The following DNAH6 variants were observed in gnomAD, a reference collection of about 807,000 sequenced individuals.
The protein encoded by DNAH6 is dynein axonemal heavy chain 6.
DNAH6 carries 340 observed loss-of-function variants against 491.4 expected under a neutral mutation model. The ratio of observed to expected loss-of-function variants is 0.69; its 90% CI spans 0.63 to 0.76. DNAH6 has a LOEUF of 0.76. Ranked by LOEUF, DNAH6 falls within the 30% of genes least tolerant of loss-of-function variation. The pLI, the probability that DNAH6 is intolerant of heterozygous loss-of-function variation, is 0.00. For synonymous variants in DNAH6, 1,603 were observed against 1,686.1 expected (o/e 0.95, Z 1.21); for missense variants, 4,443 against 4,972.2 (o/e 0.89, Z 3.20).
chr2:84,819,430 A>T lies in DNAH6; in HGVS notation c.*22A>T, dbSNP rs1037984441. 7 of 1,491,630 alleles carry T rather than the reference A, an allele frequency of 4.7e-6. No homozygotes were observed. Among genetic ancestry groups the T allele is most frequent in the Admixed American group, 2.0e-5 (1 of 48,972 alleles). The allele number at this position is 1,491,630 out of a possible 1,614,324, so 92.4% of individuals were successfully genotyped here. On this transcript the variant is annotated 3_prime_UTR_variant, in exon 77 of 77. Transcript: ENST00000389394. ...ATGAAAAGGTGCCACCTCAGCCCTG[A>T]AAAAGAACCAGGCCAGAGATCTTTC...
At chr2:84,784,052 C>T (rs887515987) in intron 65 of DNAH6, among the ~76,000 whole-genome samples, 1 of 152,194 alleles carries the variant, frequency 6.6e-6, no homozygotes, top group Non-Finnish European at 1.5e-5. Flanking sequence ...CAGCATAATA[C>T]GTACTTAAAA....
intron 63 of DNAH6, among the ~76,000 whole-genome samples, chr2:84,747,490 A>C (rs1673071394): frequency 6.6e-6 from 1 of 152,180 alleles, no homozygotes; most frequent in African/African-American, 2.4e-5. Flanking sequence ...ACCGGTGCAA[A>C]GTGTGGGCTC....
intron 24 of DNAH6, among the ~76,000 whole-genome samples, chr2:84,620,733 G>C (rs1325355643): frequency 6.6e-6 from 1 of 152,118 alleles, no homozygotes; most frequent in Admixed American, 6.6e-5. Flanking sequence ...AGAATCTTGG[G>C]AAAACATGAA....
In DNAH6 at chr2:84,710,332, A is replaced by G. The variant is rs1000561842; in HGVS notation, c.9298A>G (p.Ile3100Val). 2 of 1,551,738 alleles carry G rather than the reference A, an allele frequency of 1.3e-6. No individual in the cohort carries two copies. The highest frequency in any genetic ancestry group is 1.7e-6 in the Non-Finnish European group (2 of 1,146,974). The part of the protein sequence containing the change: ...RNKESKSGLK[I>V]IKLTDSNFLR... The stretch of plus-strand genomic sequence containing the variant: ...CAAGGAAAGCAAAAGTGGTTTAAAG[A>G]TCATTAAGCTTACAGATAGTAATTT... Residue 3100 changes from isoleucine (I) to valine (V), a missense_variant, in exon 56 of 77, where the codon ATC becomes GTC. Coordinates refer to ENST00000389394, the MANE Select transcript of DNAH6 (RefSeq NM_001370.2).
chr2:84,745,422 T>C (rs1408069013), intron 63 of DNAH6, among the ~76,000 whole-genome samples, 173 bp downstream of exon 63: 1 of 152,146 alleles, frequency 6.6e-6, no homozygotes, highest in Non-Finnish European at 1.5e-5. Context: ...TCCCAGCACT[T>C]TGGGAGACCG....
At chr2:84,785,894 T>TGAACC in intron 67 of DNAH6, 138 bp downstream of exon 67, 1 of 843,008 alleles carries the variant, frequency 1.2e-6, no homozygotes, top group African/African-American at 1.7e-5. Context: ...CAAGTTGTTT[T>TGAACC]CATTCAATCT....
the DNAH6 span, among the ~76,000 whole-genome samples, chr2:84,509,520 CTT>C: frequency 7.6e-4 from 115 of 152,294 alleles, no homozygotes; most frequent in Middle Eastern, 3.4e-3. Context: ...GGTCTTGACT[CTT>C]TATCCAATTT....
chr2:84,679,878 C>A (rs189365285), intron 41 of DNAH6, among the ~76,000 whole-genome samples: 1 of 152,296 alleles, frequency 6.6e-6, no homozygotes, highest in African/African-American at 2.4e-5. Flanking sequence ...TATAGACACA[C>A]AGTTACTCAT....
At chr2:84,579,399 A>AT in intron 13 of DNAH6, 128 bp from the exon 14 acceptor site, 1 of 978,250 alleles carries the variant, frequency 1.0e-6, no homozygotes, top group Admixed American at 2.7e-5. Flanking sequence ...AGAGAAAAAA[A>AT]GTCTCTTCGT....
chr2:84,691,971 G>A (rs756418213), intron 45 of DNAH6, among the ~76,000 whole-genome samples: 72 of 152,228 alleles, frequency 4.7e-4, no homozygotes, highest in Non-Finnish European at 6.5e-4. Context: ...AGGAGAGGGT[G>A]TAAAGGTGGA....
chr2:84,543,395 G>A (rs768482362), intron 4 of DNAH6, among the ~76,000 whole-genome samples: 8 of 152,232 alleles, frequency 5.3e-5, no homozygotes, highest in Non-Finnish European at 8.8e-5. Context: ...TCTCCTAACA[G>A]AGAGAAACAT....
chr2:84,475,190 G>A, the DNAH6 span, among the ~76,000 whole-genome samples: 1 of 152,132 alleles, frequency 6.6e-6, no homozygotes, highest in Non-Finnish European at 1.5e-5. Context: ...AACTCCCATG[G>A]GGACCTTTTT....
chr2:84,517,854 TTTGACCTGACAAATA>T lies in DNAH6; in HGVS notation c.33_47del (p.Asp11_Ile15del). The T allele has an allele frequency of 6.4e-7, 1 of 1,551,668 alleles. No individual in the cohort carries two copies. On this transcript the variant is annotated inframe_deletion, in exon 2 of 77. Transcript: ENST00000389394. ...GACTTTTCGGGCCACAGATAGTGAA[TTTGACCTGACAAATA>T]TTGAAGAGTATGCCGAAAATTCTGC...
the DNAH6 span, among the ~76,000 whole-genome samples, chr2:84,511,433 T>C: frequency 6.6e-6 from 1 of 152,186 alleles, no homozygotes; most frequent in East Asian, 1.9e-4. Flanking sequence ...AGCACAGTAT[T>C]AGGGTGGGAG....
At chr2:84,778,649 C>A (rs942482664) in intron 64 of DNAH6, among the ~76,000 whole-genome samples, 7 of 151,972 alleles carry the variant, frequency 4.6e-5, no homozygotes, top group Non-Finnish European at 1.0e-4. Flanking sequence ...TGCAGGCACA[C>A]ACCACTATGC....
In DNAH6 at chr2:84,733,451, C is replaced by T. The variant is rs1050984533; in HGVS notation, c.10214C>T (p.Pro3405Leu). ...RGSAGLEKER[P>L]PKPEAPWLPT... is the part of the protein sequence containing the mutation. ...TTTTCTGTCTTCAAACAGGAACGCC[C>T]ACCTAAGCCTGAAGCTCCCTGGCTA... Residue 3405 changes from proline (P) to leucine (L), a missense_variant, in exon 62 of 77, where the codon CCA becomes CTA. This residue lies in a region of DNAH6 where 1,463 missense variants were observed against 1,656.6 expected (regional missense o/e 0.88). Coordinates refer to ENST00000389394, the MANE Select transcript of DNAH6 (RefSeq NM_001370.2). 1 of 1,550,568 alleles carries T rather than the reference C, an allele frequency of 6.4e-7. No individual in the cohort carries two copies. Among genetic ancestry groups the T allele is most frequent in the Non-Finnish European group, 8.7e-7 (1 of 1,146,296 alleles).
At chr2:84,645,423 AAAT>A (rs372833653) in intron 33 of DNAH6, among the ~76,000 whole-genome samples, 5,144 of 152,000 alleles carry the variant, frequency 0.034, 132 homozygotes, top group Non-Finnish European at 0.052. Flanking sequence ...CTGTCTCAAA[AAAT>A]AATAATAATA....
chr2:84,708,972 T>C (rs1210679115), intron 54 of DNAH6, among the ~76,000 whole-genome samples: 1 of 152,222 alleles, frequency 6.6e-6, no homozygotes, highest in African/African-American at 2.4e-5. Flanking sequence ...TACTGATTGC[T>C]TGTACACCCT....
chr2:84,795,146 G>C (rs1253096650), intron 68 of DNAH6, among the ~76,000 whole-genome samples: 1 of 135,654 alleles, frequency 7.4e-6, no homozygotes, highest in East Asian at 2.4e-4. Context: ...CATGGACACA[G>C]GAGGGGGAAC....
Sources: allele counts gnomAD v4.1 joint callset (sites outside exome capture counted in the v4.1 genomes callset), GRCh38; gene constraint gnomAD v4.1.1; regional missense constraint gnomAD v4.1.1; transcripts MANE v1.5; gene names NCBI Gene and HGNC (gene_info 2026-07-23, HGNC 2026-07-21).